DPH6: variants seen among roughly 807,000 people sequenced by gnomAD.
The protein encoded by DPH6 is diphthamine biosynthesis 6.
DPH6 carries 33 observed loss-of-function variants against 38.2 expected under a neutral mutation model. The observed-to-expected ratio is 0.86, with a 90% CI of 0.65 to 1.15. The LOEUF is 1.15. Among genes scored for constraint, DPH6 ranks in the 50% most tolerant of loss-of-function variants. The probability of loss-of-function intolerance (pLI) is 0.00; values close to 1 mark genes in which losing one functional copy is unlikely to be tolerated. For missense variants in DPH6, 325 were observed against 320.0 expected (o/e 1.02, Z -0.12); for synonymous variants, 108 against 103.0 (o/e 1.05, Z -0.30).
chr15:35,208,048 A>T, the DPH6 span, among the ~76,000 whole-genome samples: 92 of 152,306 alleles, frequency 6.0e-4, no homozygotes, highest in Non-Finnish European at 1.1e-3. Flanking sequence ...GGTGAAACTC[A>T]TATTAAATTG....
intron 5 of DPH6, among the ~76,000 whole-genome samples, chr15:35,444,924 G>C (rs2053832542): frequency 6.6e-6 from 1 of 152,094 alleles, no homozygotes; most frequent in South Asian, 2.1e-4. Flanking sequence ...AGACAGCAGA[G>C]ACAATACTCA....
At chr15:35,376,339 G>A (rs1320371011) in intron 7 of DPH6, among the ~76,000 whole-genome samples, 1 of 152,076 alleles carries the variant, frequency 6.6e-6, no homozygotes, top group Non-Finnish European at 1.5e-5. Context: ...AACTCACAGT[G>A]ATTTTTCAAT....
At chr15:35,449,616 C>G (rs1871770187) in intron 5 of DPH6, among the ~76,000 whole-genome samples, 1 of 151,782 alleles carries the variant, frequency 6.6e-6, no homozygotes, top group South Asian at 2.1e-4. Flanking sequence ...TACAGAGTCA[C>G]ATAGAAATTC....
intron 5 of DPH6, among the ~76,000 whole-genome samples, chr15:35,424,433 A>G (rs999246535): frequency 1.4e-5 from 2 of 146,976 alleles, no homozygotes; most frequent in African/African-American, 2.6e-5. Flanking sequence ...TACTGAATTT[A>G]TGTATTAGTT....
intron 3 of DPH6, among the ~76,000 whole-genome samples, chr15:35,224,462 C>T (rs1359867779): frequency 2.0e-5 from 3 of 152,132 alleles, no homozygotes; most frequent in Non-Finnish European, 4.4e-5. Flanking sequence ...TTTGTTCATC[C>T]ACTCATCTAA....
chr15:35,507,368 G>A (rs974340608), intron 3 of DPH6, among the ~76,000 whole-genome samples: 2 of 151,868 alleles, frequency 1.3e-5, no homozygotes, highest in African/African-American at 4.8e-5. Context: ...AAATGTCCTT[G>A]CTGAAAATAA....
chr15:35,405,368 T>C (rs1451879040), intron 6 of DPH6, among the ~76,000 whole-genome samples: 1 of 152,114 alleles, frequency 6.6e-6, no homozygotes, highest in African/African-American at 2.4e-5. Context: ...TTTTTTAATG[T>C]CCACTTCAAT....
chr15:35,285,829 C>T (rs1177765567), intron 3 of DPH6, among the ~76,000 whole-genome samples: 1 of 134,190 alleles, frequency 7.5e-6, no homozygotes, highest in African/African-American at 2.8e-5. Context: ...CACATTCTTC[C>T]TGATGAGATT....
chr15:35,342,797 GGTCT>G (rs200867695), intron 3 of DPH6, among the ~76,000 whole-genome samples: 1,649 of 152,206 alleles, frequency 0.011, 15 homozygotes, highest in Middle Eastern at 0.065. Context: ...ATCTTCATCA[GGTCT>G]GTTTTTCTTT....
At chr15:35,511,569 A>G (rs759276236) in intron 3 of DPH6, among the ~76,000 whole-genome samples, 5 of 152,132 alleles carry the variant, frequency 3.3e-5, no homozygotes, top group Non-Finnish European at 7.3e-5. Flanking sequence ...AAACAAAGTA[A>G]CCCAGCAGCT....
intron 3 of DPH6, among the ~76,000 whole-genome samples, chr15:35,296,216 G>A (rs959623810): frequency 4.6e-5 from 7 of 152,122 alleles, no homozygotes; most frequent in Non-Finnish European, 1.0e-4. Context: ...CAGGATTACA[G>A]GTGTGAGCCA....
chr15:35,307,753 A>ATG (rs1202309874), intron 3 of DPH6, among the ~76,000 whole-genome samples: 2 of 152,036 alleles, frequency 1.3e-5, no homozygotes, highest in African/African-American at 4.8e-5. Flanking sequence ...TGCATATCTT[A>ATG]TGTGTGTGTA....
At chr15:35,255,969 A>T (rs972533701) in intron 3 of DPH6, among the ~76,000 whole-genome samples, 6 of 152,054 alleles carry the variant, frequency 3.9e-5, no homozygotes, top group Admixed American at 6.6e-5. Context: ...CTTATAAATA[A>T]ATATACAGTA....
chr15:35,528,890 T>A (rs1277743635), intron 3 of DPH6, among the ~76,000 whole-genome samples: 1 of 152,312 alleles, frequency 6.6e-6, no homozygotes, highest in Admixed American at 6.5e-5. Context: ...CTTTCCACCA[T>A]CTGAACAATC....
At chr15:35,521,558 T>G (rs759130235) in intron 3 of DPH6, 11 of 1,225,388 alleles carry the variant, frequency 9.0e-6, no homozygotes, top group Non-Finnish European at 1.1e-5. Flanking sequence ...AGAGAAAGTG[T>G]CATGAACTGT....
chr15:35,429,834 T>C (rs1015741257), intron 5 of DPH6, among the ~76,000 whole-genome samples: 1 of 152,146 alleles, frequency 6.6e-6, no homozygotes, highest in Admixed American at 6.5e-5. Flanking sequence ...ATATGAATAA[T>C]ATTTTGTTAA....
chr15:35,520,639 A>G, intron 3 of DPH6: 1 of 984,932 alleles, frequency 1.0e-6, no homozygotes. Flanking sequence ...AGTAAAAGGG[A>G]GTTAAATTAT....
At chr15:35,293,322 T>C (rs921108591) in intron 3 of DPH6, among the ~76,000 whole-genome samples, 2 of 152,248 alleles carry the variant, frequency 1.3e-5, no homozygotes, top group Non-Finnish European at 2.9e-5. Context: ...TGTGCAGCTA[T>C]AATGGACCTA....
chr15:35,262,277 A>C (rs987082749), intron 3 of DPH6, among the ~76,000 whole-genome samples: 2 of 152,246 alleles, frequency 1.3e-5, no homozygotes, highest in African/African-American at 4.8e-5. Context: ...GAAATCTCCA[A>C]TGAGCTTAAA....
Sources: gnomAD v4.1 joint callset for allele counts (sites outside exome capture counted in the v4.1 genomes callset) on GRCh38, gnomAD v4.1.1 for gene constraint, MANE v1.5 for transcripts, NCBI Gene and HGNC (gene_info 2026-07-23, HGNC 2026-07-21) for gene names.